The following PRKAB1 variants were observed in gnomAD, a reference collection of about 807,000 sequenced individuals.
PRKAB1 encodes protein kinase AMP-activated non-catalytic subunit beta 1, also known as 5'-AMP-activated protein kinase subunit beta-1.
Under a neutral mutation model 32.0 loss-of-function variants are expected in PRKAB1, and 18 were observed. That is an observed-to-expected ratio of 0.56 (90% CI 0.39 to 0.83). The LOEUF (loss-of-function observed/expected upper bound fraction) is 0.83, where lower values mean the gene tolerates loss of function less well. Among genes scored for constraint, PRKAB1 ranks in the 40% least tolerant of loss-of-function variants. The pLI, the probability that PRKAB1 is intolerant of heterozygous loss-of-function variation, is 0.00. For synonymous variants in PRKAB1, 141 were observed against 141.4 expected, an observed-to-expected ratio of 1.00 and a Z score of 0.02; for missense variants, 263 against 352.6, an observed-to-expected ratio of 0.75 and a Z score of 2.03.
chr12:119,671,701 G>C (rs751540796), intron 1 of PRKAB1: 1 of 217,830 alleles, frequency 4.6e-6, no homozygotes, highest in African/African-American at 2.3e-5. Context: ...GAGCCAAACC[G>C]TATCACCTAG....
Position 119,676,652 on chromosome 12 carries a change from C to T in PRKAB1, c.648C>T (p.Asn216=). Residue 216 remains asparagine (N), a synonymous_variant, in exon 5 of 7, where the codon AAC becomes AAT. Transcript: ENST00000229328. ...LPPHLLQVIL[N]KDTGISCDPA... ...CACATCTCCTCCAGGTCATCCTGAA[C>T]AAGGACACGGGGATTTCCGTAAGTA... 1.2e-6 allele frequency: 2 copies of T among 1,614,008 alleles called. No individual in the cohort carries two copies. Among genetic ancestry groups the T allele is most frequent in the Non-Finnish European group, 1.7e-6 (2 of 1,179,972 alleles).
At position 119,676,649 on chromosome 12, in the gene PRKAB1, G is replaced by C; in HGVS notation, c.645G>C (p.Leu215=). 1 of 1,613,762 alleles carries C rather than the reference G, an allele frequency of 6.2e-7. No homozygotes were observed. Among genetic ancestry groups the C allele is most frequent in the Non-Finnish European group, 8.5e-7 (1 of 1,179,862 alleles). ...CCCCACATCTCCTCCAGGTCATCCTGAACAAGGACACGGGGATTTCCGTAA... is the reference window on the plus strand; with the variant it reads ...CCCCACATCTCCTCCAGGTCATCCTCAACAAGGACACGGGGATTTCCGTAA... The part of the protein sequence containing the change: ...ILPPHLLQVI[L]NKDTGISCDP... The change falls in exon 5 of 7, where the codon CTG becomes CTC. Residue 215 remains leucine, a synonymous_variant. Transcript: ENST00000229328.
chr12:119,668,548 G>T, intron 1 of PRKAB1, 145 bp downstream of exon 1: 1 of 1,151,014 alleles, frequency 8.7e-7, no homozygotes, highest in South Asian at 1.6e-5. Flanking sequence ...AAGCCAGATG[G>T]TCCTGTAAGA....
intron 4 of PRKAB1, among the ~76,000 whole-genome samples, chr12:119,675,531 A>C (rs1955418002): frequency 6.6e-6 from 1 of 152,182 alleles, no homozygotes; most frequent in African/African-American, 2.4e-5. Flanking sequence ...GATACATGTA[A>C]TTTTAAGCCA....
At position 119,672,327 on chromosome 12, in the gene PRKAB1, C is replaced by T; in HGVS notation, c.186C>T (p.Ala62=). 2.5e-6 allele frequency: 4 copies of T among 1,608,908 alleles called. No homozygotes were observed. Among genetic ancestry groups the T allele is most frequent in the East Asian group, 2.2e-5 (1 of 44,504 alleles). The change falls in exon 2 of 7, where the codon GCC becomes GCT. Residue 62 remains alanine, a synonymous_variant. Coordinates refer to ENST00000229328, the MANE Select transcript of PRKAB1 (RefSeq NM_006253.5). ...IKAPEKEEFL[A]WQHDLEVNDK... ...CACCAGAGAAGGAGGAATTCCTGGC[C>T]TGGCAGCATGATCTGGAAGTGAATG...
chr12:119,668,101 C>T (rs544140980), upstream of PRKAB1: 4 of 1,081,966 alleles, frequency 3.7e-6, no homozygotes, highest in African/African-American at 1.7e-5. Context: ...GAACCGGCTC[C>T]CGGCCCGAGG....
At position 119,679,806 on chromosome 12, in the gene PRKAB1, C is replaced by G; in HGVS notation, c.667-127C>G. ...CGTCTTGGACAAGCCCTTGCGCTGC[C>G]TGATTTGGGAAGAGAGGTCGGCCTG... is the stretch of plus-strand genomic sequence containing the variant. On this transcript the variant is annotated intron_variant, in intron 5 of 6. Coordinates refer to ENST00000229328, the MANE Select transcript of PRKAB1 (RefSeq NM_006253.5). This position sits in a 1 kb window ranked among gnomAD's most constrained non-coding sequence, Gnocchi z 4.1. The G allele has an allele frequency of 2.9e-6, 3 of 1,018,186 alleles. No individual in the cohort carries two copies. Among genetic ancestry groups the G allele is most frequent in the Non-Finnish European group, 4.6e-6 (3 of 653,416 alleles). 63.1% of individuals were successfully genotyped at this position (1,018,186 alleles called of 1,614,324 possible).
intron 4 of PRKAB1, among the ~76,000 whole-genome samples, 193 bp from the exon 5 acceptor site, chr12:119,676,344 A>G (rs1470973820): frequency 6.6e-6 from 1 of 152,202 alleles, no homozygotes; most frequent in African/African-American, 2.4e-5. Context: ...GTTGTATGCT[A>G]GTCACCCAGA....
At chr12:119,678,610 T>A (rs1013200504) in intron 5 of PRKAB1, 1 of 152,256 alleles carries the variant, frequency 6.6e-6, no homozygotes, top group African/African-American at 2.4e-5. Flanking sequence ...ATAAGTGACA[T>A]CACATGGGAT....
At chr12:119,678,989 CTT>C (rs1955446298) in intron 5 of PRKAB1, 2 of 152,164 alleles carry the variant, frequency 1.3e-5, no homozygotes, top group Non-Finnish European at 2.9e-5. Context: ...CTAAAAGTAG[CTT>C]TTAAGTGTTC....
rs528991200 is a variant in PRKAB1 at position 119,676,689 on chromosome 12, G to T, written c.666+19G>T. On this transcript the variant is annotated intron_variant, in intron 5 of 6. Coordinates refer to ENST00000229328, the MANE Select transcript of PRKAB1 (RefSeq NM_006253.5). ...GATTTCCGTAAGTATGTGGGCATCT[G>T]CCCGGACCATCCGCCGTGGGTCATG... 5 of 1,611,454 alleles carry T rather than the reference G, an allele frequency of 3.1e-6. No individual in the cohort carries two copies. In the South Asian group the frequency reaches 5.5e-5, roughly 18 times the overall value.
intron 5 of PRKAB1, 110 bp downstream of exon 5, chr12:119,676,780 C>T (rs1204181233): frequency 7.2e-7 from 1 of 1,391,804 alleles, no homozygotes; most frequent in Non-Finnish European, 9.8e-7. Context: ...CAGTGTCACC[C>T]CCTAGTGTGA....
chr12:119,677,953 A>G (rs1955438567), intron 5 of PRKAB1: 2 of 152,002 alleles, frequency 1.3e-5, no homozygotes, highest in Non-Finnish European at 2.9e-5. Flanking sequence ...TTTAGTAAAG[A>G]TGGGGTTTCA....
At chr12:119,668,119 T>G, upstream of PRKAB1, 1 of 1,176,754 alleles carries the variant, frequency 8.5e-7, no homozygotes, top group Non-Finnish European at 1.1e-6. Flanking sequence ...AGGGGCGTGG[T>G]GTCCTGGTGC....
chr12:119,679,959 C>G lies in PRKAB1; in HGVS notation c.693C>G (p.Pro231=), dbSNP rs1218860861. 1 of 1,614,130 alleles carries G rather than the reference C, an allele frequency of 6.2e-7. No homozygotes were observed. The highest frequency in any genetic ancestry group is 1.7e-5 in the Admixed American group (1 of 60,030). ...ISCDPALLPE[P]NHVMLNHLYA... is the part of the protein sequence containing the mutation. ...GTGATCCAGCTTTGCTTCCTGAGCCCAATCACGTCATGCTGAACCACCTAT... is the reference window on the plus strand; with the variant it reads ...GTGATCCAGCTTTGCTTCCTGAGCCGAATCACGTCATGCTGAACCACCTAT... The change falls in exon 6 of 7, where the codon CCC becomes CCG. Residue 231 remains proline, a synonymous_variant. Transcript: ENST00000229328. The surrounding 1 kb of genome is among the most constrained non-coding windows in gnomAD (Gnocchi z 4.1).
rs1955394804 is a variant in PRKAB1, at chr12:119,672,395, C to CG, written c.260dup (p.Gly88ArgfsTer15). 15 of 1,611,358 alleles carry CG rather than the reference C, an allele frequency of 9.3e-6. No individual in the cohort carries two copies. The highest frequency in any genetic ancestry group is 2.2e-5 in the East Asian group (1 of 44,722). Reference sequence around the variant, plus strand: ...GCTCGGCCAACGGTGTTTCGATGGACGGGGGGCGGAAAGGAAGTTTACTTA... The same window carrying CG: ...GCTCGGCCAACGGTGTTTCGATGGACGGGGGGGCGGAAAGGAAGTTTACTTA... On this transcript the variant is annotated frameshift_variant, in exon 2 of 7. Coordinates refer to ENST00000229328, the MANE Select transcript of PRKAB1 (RefSeq NM_006253.5). LOFTEE classifies it high-confidence loss of function.
chr12:119,669,271 CT>C lies in PRKAB1; in HGVS notation c.159+882del, dbSNP rs1174061275. 3.0e-3 allele frequency among the ~76,000 whole-genome samples: 364 copies of C among 122,624 alleles called. 1 individual carries two copies. The East Asian group carries it at 0.044, about 15-fold the overall frequency. The allele number at this position is 122,624 out of a possible 152,430, so 80.4% of individuals were successfully genotyped here. Reference sequence around the variant, plus strand: ...CTACGGTGCTGGCCGGTTCAGCCTACTTTTTTTTTTTTTTGAGACCGAGTCT... The same window carrying C: ...CTACGGTGCTGGCCGGTTCAGCCTACTTTTTTTTTTTTTGAGACCGAGTCT... On this transcript the variant is annotated intron_variant, in intron 1 of 6. Transcript: ENST00000229328.
intron 4 of PRKAB1, among the ~76,000 whole-genome samples, chr12:119,676,215 G>C (rs985069433): frequency 5.6e-4 from 85 of 152,150 alleles, no homozygotes; most frequent in African/African-American, 1.9e-3. Context: ...GAAGGGAGAA[G>C]GAAGTCTTAT....
intron 1 of PRKAB1, among the ~76,000 whole-genome samples, chr12:119,668,852 C>T (rs1955361380): frequency 6.6e-6 from 1 of 152,220 alleles, no homozygotes; most frequent in African/African-American, 2.4e-5. Context: ...AAACCAGGTA[C>T]ATATACAAGC....
Sources: gnomAD v4.1 joint callset for allele counts (sites outside exome capture counted in the v4.1 genomes callset) on GRCh38, gnomAD v4.1.1 for gene constraint, Gnocchi (gnomAD v3.1) non-coding constraint, MANE v1.5 for transcripts, NCBI Gene and HGNC (gene_info 2026-07-23, HGNC 2026-07-21) for gene names.